Variants in RYR2 observed in about 807,000 individuals in gnomAD.
RYR2 encodes ryanodine receptor 2.
RYR2 carries 227 observed loss-of-function variants against 601.1 expected under a neutral mutation model. That is an observed-to-expected ratio of 0.38 (90% CI 0.34 to 0.42). The LOEUF (loss-of-function observed/expected upper bound fraction) is 0.42, where lower values mean the gene tolerates loss of function less well. Ranked by LOEUF, RYR2 falls within the 10% of genes least tolerant of loss-of-function variation. The pLI, the probability that RYR2 is intolerant of heterozygous loss-of-function variation, is 1.00. For missense variants in RYR2, 4,646 were observed against 6,156.5 expected, an observed-to-expected ratio of 0.75 and a Z score of 8.21; for synonymous variants, 2,223 against 2,175.1, an observed-to-expected ratio of 1.02 and a Z score of -0.61.
intron 6 of RYR2, among the ~76,000 whole-genome samples, chr1:237,371,111 G>C (rs1700606715): frequency 2.0e-5 from 3 of 149,770 alleles, no homozygotes. Flanking sequence ...TGTCCTTAAG[G>C]CTTTTTTTTT....
Position 237,493,878 on chromosome 1 carries a change from G to A in RYR2, c.1961+791G>A, listed in dbSNP as rs141317827. Among the ~76,000 whole-genome samples, 11 of 152,256 alleles carry A rather than the reference G, an allele frequency of 7.2e-5. No individual in the cohort carries two copies. In the East Asian group the frequency reaches 1.7e-3, roughly 24 times the overall value. On this transcript the variant is annotated intron_variant, in intron 19 of 104. Coordinates refer to ENST00000366574, the MANE Select transcript of RYR2 (RefSeq NM_001035.3). ...AGATCTGCCTTCCAAGGCACCTAAC[G>A]TTCATTGAATACCATGTGCCAGCTG... is the stretch of plus-strand genomic sequence containing the variant.
intron 80 of RYR2, 77 bp from the exon 81 acceptor site, chr1:237,756,211 T>C: frequency 1.1e-6 from 1 of 892,180 alleles, no homozygotes; most frequent in Non-Finnish European, 1.9e-6. Flanking sequence ...CATGAAGAGA[T>C]GACTAAAAAT....
chr1:237,739,138 G>C (rs1573747289), intron 79 of RYR2, among the ~76,000 whole-genome samples: 1 of 152,178 alleles, frequency 6.6e-6, no homozygotes, highest in South Asian at 2.1e-4. Context: ...TCTCTATTAT[G>C]ATGAGTACAG....
At chr1:237,318,097 AT>A (rs1558613911) in intron 2 of RYR2, among the ~76,000 whole-genome samples, 1 of 152,024 alleles carries the variant, frequency 6.6e-6, no homozygotes, top group Admixed American at 6.6e-5. Flanking sequence ...TTTACTATGT[AT>A]TTTTTGAGTT....
At chr1:237,277,114 G>A (rs906736276) in intron 2 of RYR2, among the ~76,000 whole-genome samples, 4 of 152,162 alleles carry the variant, frequency 2.6e-5, no homozygotes, top group African/African-American at 9.6e-5. Flanking sequence ...AGCTCAATAC[G>A]ATAAATCAAT....
rs1685176147 is a variant in RYR2 at position 237,673,998 on chromosome 1, A to G, written c.8591-98A>G. 3 of 876,170 alleles carry G rather than the reference A, an allele frequency of 3.4e-6. No homozygotes were observed. The Admixed American group carries it at 6.8e-5, about 20-fold the overall frequency. The allele number at this position is 876,170 out of a possible 1,614,324, so 54.3% of individuals were successfully genotyped here. A position where few individuals can be genotyped will look rare whatever the true frequency, so the allele number is the denominator to read the frequency against. On this transcript the variant is annotated intron_variant, in intron 58 of 104. Coordinates refer to ENST00000366574, the MANE Select transcript of RYR2 (RefSeq NM_001035.3). ...TATGCTCTATGTATTATTAAAGGAT[A>G]TGGAAAGTTTTATAGTGTGGTCCAA...
At chr1:237,703,316 A>C (rs1299851548) in intron 66 of RYR2, among the ~76,000 whole-genome samples, 1 of 151,730 alleles carries the variant, frequency 6.6e-6, no homozygotes, top group African/African-American at 2.4e-5. Context: ...TGTATGTGAT[A>C]GTGAAAATAT....
intron 1 of RYR2, among the ~76,000 whole-genome samples, chr1:237,183,202 G>A (rs183713195): frequency 1.9e-4 from 29 of 152,198 alleles, no homozygotes; most frequent in African/African-American, 6.0e-4. Flanking sequence ...CTTCTTAACC[G>A]TTTACATGCA....
In RYR2 at chr1:237,819,388, A is replaced by G. The variant is rs1558481548; in HGVS notation, c.14590+196A>G. ...GGTATGGAACCCTGGTATGAAGGGAAGATACAGTGTTATTTTGTCTTCTTT... is the reference window on the plus strand; with the variant it reads ...GGTATGGAACCCTGGTATGAAGGGAGGATACAGTGTTATTTTGTCTTCTTT... On this transcript the variant is annotated intron_variant, in intron 101 of 104. Transcript: ENST00000366574. The surrounding 1 kb of genome is among the most constrained non-coding windows in gnomAD (Gnocchi z 4.0). 6.6e-6 allele frequency among the ~76,000 whole-genome samples: 1 copy of G among 152,216 alleles called. No homozygotes were observed. Among genetic ancestry groups the G allele is most frequent in the Non-Finnish European group, 1.5e-5 (1 of 68,046 alleles).
At chr1:237,568,851 T>C (rs535693195) in intron 28 of RYR2, among the ~76,000 whole-genome samples, 1 of 152,250 alleles carries the variant, frequency 6.6e-6, no homozygotes, top group African/African-American at 2.4e-5. Flanking sequence ...TTTCTTTCAG[T>C]AGAAAGTATG....
intron 10 of RYR2, among the ~76,000 whole-genome samples, chr1:237,403,070 T>G (rs1461455458): frequency 6.6e-6 from 1 of 152,006 alleles, no homozygotes; most frequent in Non-Finnish European, 1.5e-5. Context: ...AGAGGAAAGA[T>G]GGATGGAGGG....
In RYR2 at chr1:237,680,478, A is replaced by G. The variant is rs1470854305; in HGVS notation, c.8918A>G (p.Gln2973Arg). 6.2e-7 allele frequency: 1 copy of G among 1,607,748 alleles called. No individual in the cohort carries two copies. The highest frequency in any genetic ancestry group is 1.3e-5 in the African/African-American group (1 of 74,930). ...FAKVVLPLID[Q>R]YFKNHRLYFL... ...CAGGTCGTTCTTCCTTTAATTGATC[A>G]GTATTTCAAAAACCATCGTTTATAC... Residue 2973 changes from glutamine to arginine, a missense_variant, in exon 62 of 105, where the codon CAG becomes CGG. By Grantham distance (43) the Gln-to-Arg change is conservative (BLOSUM62 1). This residue lies in a region of RYR2 where 1,497 missense variants were observed against 1,842.6 expected (regional missense o/e 0.81). Transcript: ENST00000366574.
At chr1:237,628,130 T>C in intron 41 of RYR2, 50 bp downstream of exon 41, 1 of 1,588,708 alleles carries the variant, frequency 6.3e-7, no homozygotes, top group Non-Finnish European at 8.6e-7. Context: ...GTTTTCTAAT[T>C]GTTATACCTA....
intron 24 of RYR2, among the ~76,000 whole-genome samples, chr1:237,520,124 T>C (rs1666950214): frequency 6.6e-6 from 1 of 152,226 alleles, no homozygotes; most frequent in African/African-American, 2.4e-5. Flanking sequence ...TACTGGTCTA[T>C]AGATATGCTA....
At chr1:237,154,446 C>T (rs778771703) in intron 1 of RYR2, among the ~76,000 whole-genome samples, 5 of 152,154 alleles carry the variant, frequency 3.3e-5, no homozygotes, top group Non-Finnish European at 5.9e-5. Flanking sequence ...TGAGGAAAGT[C>T]GGTTGCAGCT....
intron 29 of RYR2, among the ~76,000 whole-genome samples, chr1:237,584,781 T>C (rs1330661702): frequency 1.3e-5 from 2 of 151,308 alleles, no homozygotes; most frequent in East Asian, 3.9e-4. Flanking sequence ...CCATCTCGGC[T>C]TCCCAAGTAG....
At chr1:237,511,065 A>C (rs1330081129) in intron 23 of RYR2, among the ~76,000 whole-genome samples, 1 of 152,174 alleles carries the variant, frequency 6.6e-6, no homozygotes, top group Non-Finnish European at 1.5e-5. Context: ...TCTATACAGG[A>C]AAATCACTAT....
rs780609314 is a variant in RYR2, at chr1:237,678,066, A to G, written c.8849A>G (p.Lys2950Arg). ...TCTACAGATGGTGGCAGCAGAGGCA[A>G]AGGAGAACATTTCCCTTATGAACAA... Reference protein sequence around the residue: ...ILEFDGGSRGKGEHFPYEQEI... With the variant: ...ILEFDGGSRGRGEHFPYEQEI... The change falls in exon 61 of 105, where the codon AAA becomes AGA. Residue 2950 changes from lysine to arginine, a missense_variant. Lys to Arg is a conservative substitution (Grantham distance 26). Coordinates refer to ENST00000366574, the MANE Select transcript of RYR2 (RefSeq NM_001035.3). The G allele has an allele frequency of 1.9e-6, 3 of 1,604,530 alleles. No homozygotes were observed. The East Asian group carries it at 6.7e-5, about 36-fold the overall frequency.
At chr1:237,270,344 A>T in intron 1 of RYR2, 153 bp from the exon 2 acceptor site, 1 of 1,061,422 alleles carries the variant, frequency 9.4e-7, no homozygotes, top group Non-Finnish European at 1.4e-6. Context: ...TTGATTCCGT[A>T]GGGGTTTCTT....
Sources: gnomAD v4.1 joint callset for allele counts (sites outside exome capture counted in the v4.1 genomes callset) on GRCh38, gnomAD v4.1.1 for gene constraint, gnomAD v4.1.1 regional missense constraint, Gnocchi (gnomAD v3.1) non-coding constraint, MANE v1.5 for transcripts, NCBI Gene and HGNC (gene_info 2026-07-23, HGNC 2026-07-21) for gene names.